The following SAMD5 variants were observed in gnomAD, a reference collection of about 807,000 sequenced individuals.
The protein encoded by SAMD5 is sterile alpha motif domain containing 5.
In SAMD5, 13 loss-of-function variants were observed where a neutral mutation model predicts 11.3. That is an observed-to-expected ratio of 1.15 (90% CI 0.75 to 1.83). SAMD5 has a LOEUF of 1.83. Among genes scored for constraint, SAMD5 ranks in the 40% most tolerant of loss-of-function variants. The pLI is 0.00. For synonymous variants in SAMD5, 129 were observed against 111.3 expected, an observed-to-expected ratio of 1.16 and a Z score of -1.00; for missense variants, 255 against 239.1, an observed-to-expected ratio of 1.07 and a Z score of -0.44.
chr6:147,512,455 TC>T lies in SAMD5; in HGVS notation c.459+3069del, dbSNP rs1788104808. Among the ~76,000 whole-genome samples, 2 of 152,102 alleles carry T rather than the reference TC, an allele frequency of 1.3e-5. 1 individual carries two copies. The highest frequency in any genetic ancestry group is 4.1e-4 in the South Asian group (2 of 4,824). On this transcript the variant is annotated intron_variant, in intron 1 of 1. Transcript: ENST00000367474. The stretch of plus-strand genomic sequence containing the variant: ...TTACAGAGGAAAGTAAGTTGAGGGG[TC>T]TTCCCAAGAATCACCTGAAAGGATT...
the SAMD5 span, among the ~76,000 whole-genome samples, chr6:147,780,445 T>G: frequency 2.6e-5 from 4 of 152,278 alleles, no homozygotes; most frequent in African/African-American, 7.2e-5. Flanking sequence ...TGACCTCAGG[T>G]GATCCGCCCA....
the SAMD5 span, among the ~76,000 whole-genome samples, chr6:147,827,041 C>G: frequency 6.6e-6 from 1 of 152,060 alleles, no homozygotes; most frequent in Admixed American, 6.5e-5. Context: ...TCACAGAAAC[C>G]CTAATCAGAT....
Position 147,643,369 on chromosome 6 carries a change from A to G in SAMD5, c.163-93948A>G, listed in dbSNP as rs367869139. On this transcript the variant is annotated intron_variant, in intron 1 of 1. Coordinates refer to the SAMD5 transcript ENST00000566741. The stretch of plus-strand genomic sequence containing the variant: ...GTAGATTTTTTCCCCTTAATTGTCT[A>G]TGTTAAAAAGGGGAAAAAAACAACT... Among the ~76,000 whole-genome samples the G allele has an allele frequency of 8.5e-5, 13 of 152,110 alleles. No homozygotes were observed. In the South Asian group the frequency reaches 1.0e-3, roughly 12 times the overall value.
At chr6:147,917,877 G>A in the SAMD5 span, among the ~76,000 whole-genome samples, 2 of 152,098 alleles carry the variant, frequency 1.3e-5, no homozygotes, top group Non-Finnish European at 2.9e-5. Context: ...TAGATGTGTG[G>A]TATTATTTCT....
At chr6:147,553,511 C>G (rs540645338) in intron 1 of SAMD5, among the ~76,000 whole-genome samples, 5 of 152,302 alleles carry the variant, frequency 3.3e-5, no homozygotes, top group Admixed American at 1.3e-4. Context: ...CACATACCTA[C>G]AACCACTCTG....
At chr6:147,940,194 C>T in the SAMD5 span, among the ~76,000 whole-genome samples, 2 of 145,060 alleles carry the variant, frequency 1.4e-5, no homozygotes, top group Non-Finnish European at 3.0e-5. Context: ...AGGTCATTGG[C>T]AGAATTCATT....
chr6:147,520,908 A>G (rs1278455972), intron 1 of SAMD5, among the ~76,000 whole-genome samples: 1 of 152,312 alleles, frequency 6.6e-6, no homozygotes, highest in African/African-American at 2.4e-5. Flanking sequence ...TTTCAAGTAT[A>G]CAACACGTTA....
chr6:147,836,662 A>G, the SAMD5 span, among the ~76,000 whole-genome samples: 3,066 of 152,316 alleles, frequency 0.02, 59 homozygotes, highest in Non-Finnish European at 0.032. Flanking sequence ...TTACTTCTGT[A>G]CCATAGTAAA....
the SAMD5 span, among the ~76,000 whole-genome samples, chr6:147,812,283 T>C: frequency 6.6e-6 from 1 of 152,188 alleles, no homozygotes; most frequent in Non-Finnish European, 1.5e-5. Context: ...AGTGTTTATA[T>C]GGAAGAGGCT....
chr6:147,821,216 T>A, the SAMD5 span, among the ~76,000 whole-genome samples: 2 of 152,244 alleles, frequency 1.3e-5, no homozygotes, highest in South Asian at 2.1e-4. Context: ...ACATTTATAT[T>A]CTATAATTTT....
chr6:147,755,220 C>A, the SAMD5 span, among the ~76,000 whole-genome samples: 1 of 151,040 alleles, frequency 6.6e-6, no homozygotes, highest in African/African-American at 2.4e-5. Flanking sequence ...TTTTGGTGTT[C>A]TCTTCAATTT....
At chr6:147,909,556 T>TC in the SAMD5 span, among the ~76,000 whole-genome samples, 1 of 123,970 alleles carries the variant, frequency 8.1e-6, no homozygotes, top group Non-Finnish European at 1.6e-5. Flanking sequence ...TGACCATCCA[T>TC]CTTTTTTCTT....
chr6:147,814,709 A>G, the SAMD5 span, among the ~76,000 whole-genome samples: 156 of 152,312 alleles, frequency 1.0e-3, no homozygotes, highest in Admixed American at 3.8e-3. Flanking sequence ...ACAGCCTTTT[A>G]TTCTTCTAAA....
chr6:147,873,187 G>T, the SAMD5 span, among the ~76,000 whole-genome samples: 2 of 152,056 alleles, frequency 1.3e-5, no homozygotes, highest in Non-Finnish European at 2.9e-5. Context: ...GACCATCCTG[G>T]CCAACATGGT....
At chr6:147,583,143 T>C (rs907136251) in intron 1 of SAMD5, among the ~76,000 whole-genome samples, 2 of 152,234 alleles carry the variant, frequency 1.3e-5, no homozygotes, top group Non-Finnish European at 2.9e-5. Context: ...GACATTTCAT[T>C]CTGTGAATAT....
Position 147,731,949 on chromosome 6 carries a change from G to T in SAMD5, c.163-5368G>T, listed in dbSNP as rs114792004. ...GATTGACTACACTATTTCTAAAATT[G>T]TAGAAATTCTGAGGTTTGGAAGTAG... On this transcript the variant is annotated intron_variant, in intron 1 of 1. Transcript: ENST00000566741. Among the ~76,000 whole-genome samples, 1,421 of 152,238 alleles carry T rather than the reference G, an allele frequency of 9.3e-3. 30 individuals are homozygous for T. Among genetic ancestry groups the T allele is most frequent in the African/African-American group, 0.032 (1,340 of 41,536 alleles).
chr6:147,819,026 G>A, the SAMD5 span, among the ~76,000 whole-genome samples: 1 of 152,064 alleles, frequency 6.6e-6, no homozygotes, highest in Admixed American at 6.6e-5. Context: ...ACACATGCAT[G>A]CATATGTTCA....
At chr6:147,779,201 A>C in the SAMD5 span, among the ~76,000 whole-genome samples, 3 of 152,198 alleles carry the variant, frequency 2.0e-5, no homozygotes, top group Non-Finnish European at 4.4e-5. Flanking sequence ...GCTACTTTTA[A>C]TTTTATAGAA....
At chr6:147,533,386 C>A (rs1400008432) in intron 1 of SAMD5, among the ~76,000 whole-genome samples, 4 of 146,318 alleles carry the variant, frequency 2.7e-5, no homozygotes, top group African/African-American at 1.0e-4. Context: ...GGCTTGAACC[C>A]GGGAGGTGGA....
Sources: allele counts gnomAD v4.1 joint callset (sites outside exome capture counted in the v4.1 genomes callset), GRCh38; gene constraint gnomAD v4.1.1; transcripts MANE v1.5; gene names NCBI Gene and HGNC (gene_info 2026-07-23, HGNC 2026-07-21).